MAST4: variants seen among roughly 807,000 people sequenced by gnomAD.
The protein encoded by MAST4 is microtubule-associated serine/threonine-protein kinase 4.
In MAST4, 89 loss-of-function variants were observed where a neutral mutation model predicts 162.7. The ratio of observed to expected loss-of-function variants is 0.55; its 90% CI spans 0.46 to 0.65. MAST4 has a LOEUF of 0.65. Among genes scored for constraint, MAST4 ranks in the 30% least tolerant of loss-of-function variants. MAST4 has a pLI of 0.00. For synonymous variants in MAST4, 1,479 were observed against 1,361.1 expected, an observed-to-expected ratio of 1.09 and a Z score of -1.91; for missense variants, 3,153 against 3,374.0, an observed-to-expected ratio of 0.93 and a Z score of 1.62.
chr5:66,809,759 C>T (rs1580505805), intron 3 of MAST4, among the ~76,000 whole-genome samples: 1 of 152,116 alleles, frequency 6.6e-6, no homozygotes, highest in Non-Finnish European at 1.5e-5. Context: ...TTTTCTGAGA[C>T]AGAGTCTTGC....
chr5:66,825,315 G>C (rs908165614), intron 3 of MAST4, among the ~76,000 whole-genome samples: 19 of 84,924 alleles, frequency 2.2e-4, no homozygotes, highest in Non-Finnish European at 3.3e-4. Context: ...CACACACACA[G>C]GCCTAGTCCT....
chr5:67,111,596 G>A (rs1766254894), intron 11 of MAST4, among the ~76,000 whole-genome samples: 1 of 152,242 alleles, frequency 6.6e-6, no homozygotes, highest in Non-Finnish European at 1.5e-5. Context: ...CAGGTAGAAT[G>A]GTTAGTTAAC....
chr5:66,871,663 C>T (rs962294438), intron 3 of MAST4, among the ~76,000 whole-genome samples: 1 of 152,182 alleles, frequency 6.6e-6, no homozygotes, highest in Non-Finnish European at 1.5e-5. Context: ...CAATGAAGTT[C>T]CAGCTTTCTG....
chr5:66,628,584 A>AT lies in MAST4; in HGVS notation c.363+31574dup, dbSNP rs201613284. 9.1e-3 allele frequency among the ~76,000 whole-genome samples: 1,372 copies of AT among 151,378 alleles called. 6 individuals are homozygous for AT. Among genetic ancestry groups the AT allele is most frequent in the Middle Eastern group, 0.014 (4 of 290 alleles). On this transcript the variant is annotated intron_variant, in intron 1 of 28. Coordinates refer to ENST00000403625, the MANE Select transcript of MAST4 (RefSeq NM_001164664.2). ...TTGGAGCAAAGGAAAAATTATTATT[A>AT]TTTTTTTTACCTTCAATCAACTTGC...
At chr5:66,860,994 CTAT>C (rs929141309) in intron 3 of MAST4, among the ~76,000 whole-genome samples, 1 of 152,150 alleles carries the variant, frequency 6.6e-6, no homozygotes, top group Admixed American at 6.5e-5. Flanking sequence ...GGAAGGCCAG[CTAT>C]GGGGCCATCT....
chr5:66,933,938 A>G (rs1054239224), intron 4 of MAST4, among the ~76,000 whole-genome samples: 1 of 152,066 alleles, frequency 6.6e-6, no homozygotes, highest in Non-Finnish European at 1.5e-5. Flanking sequence ...GTGATCCTCC[A>G]ACCTCAGCCT....
chr5:67,166,018 C>A lies in MAST4; in HGVS notation c.6839C>A (p.Ala2280Asp). ...GPSVPLHTDRAPLDAKPQPTS... is the reference protein window; with the variant it reads ...GPSVPLHTDRDPLDAKPQPTS... ...TCTGTCCCACTGCACACTGACAGGG[C>A]TCCTCTAGACGCCAAGCCACAACCC... is the stretch of plus-strand genomic sequence containing the variant. The change falls in exon 29 of 29, where the codon GCT becomes GAT. Residue 2280 changes from alanine to aspartate, a missense_variant. This residue lies in a region of MAST4 where 1,644 missense variants were observed against 1,495.0 expected (regional missense o/e 1.10). Transcript: ENST00000403625. The A allele has an allele frequency of 6.2e-7, 1 of 1,613,674 alleles. No homozygotes were observed. Among genetic ancestry groups the A allele is most frequent in the Non-Finnish European group, 8.5e-7 (1 of 1,179,870 alleles).
intron 15 of MAST4, among the ~76,000 whole-genome samples, chr5:67,131,319 G>A (rs1025808039): frequency 3.3e-5 from 5 of 152,054 alleles, no homozygotes; most frequent in African/African-American, 4.8e-5. Flanking sequence ...TATGTGTTGG[G>A]CAGTATCCTA....
At chr5:66,640,599 G>C (rs774655911) in intron 1 of MAST4, among the ~76,000 whole-genome samples, 2 of 152,096 alleles carry the variant, frequency 1.3e-5, no homozygotes, top group Non-Finnish European at 2.9e-5. Context: ...GAGCCACCGC[G>C]CCCAGCCCAC....
chr5:66,848,725 C>T (rs1404043248), intron 3 of MAST4, among the ~76,000 whole-genome samples: 4 of 152,064 alleles, frequency 2.6e-5, no homozygotes, highest in Admixed American at 2.0e-4. Flanking sequence ...TATTTCTTTT[C>T]CTTCTTTTCT....
chr5:66,680,457 C>T (rs1353665913), intron 1 of MAST4, among the ~76,000 whole-genome samples: 1 of 152,146 alleles, frequency 6.6e-6, no homozygotes, highest in East Asian at 1.9e-4. Flanking sequence ...AGTGCCCCTC[C>T]TCCCTTAGTA....
chr5:66,864,098 G>A (rs980078839), intron 3 of MAST4, among the ~76,000 whole-genome samples: 2 of 152,140 alleles, frequency 1.3e-5, no homozygotes, highest in Non-Finnish European at 2.9e-5. Context: ...CCTACTAAGT[G>A]CCAGGTAGAA....
At chr5:66,769,318 T>C (rs1431487684) in intron 2 of MAST4, among the ~76,000 whole-genome samples, 1 of 151,820 alleles carries the variant, frequency 6.6e-6, no homozygotes, top group Non-Finnish European at 1.5e-5. Flanking sequence ...CCAAAGCCAG[T>C]GGGAATTTGG....
intron 4 of MAST4, among the ~76,000 whole-genome samples, chr5:66,997,622 G>A (rs1292902145): frequency 2.0e-5 from 3 of 151,632 alleles, no homozygotes; most frequent in South Asian, 2.1e-4. Context: ...TAGTAGAGAC[G>A]GGGTTTCGCC....
chr5:67,136,616 C>G lies in MAST4; in HGVS notation c.2446C>G (p.Leu816Val), dbSNP rs1206118811. The G allele has an allele frequency of 1.9e-6, 3 of 1,607,224 alleles. No homozygotes were observed. In the South Asian group the frequency reaches 3.4e-5, roughly 18 times the overall value. Residue 816 changes from leucine to valine, a missense_variant, in exon 19 of 29, where the codon CTG becomes GTG. This residue lies in a region of MAST4 where 62 missense variants were observed against 63.1 expected (regional missense o/e 0.98). Transcript: ENST00000403625. ...DEAPPPDAQD[L>V]ITLLLRQNPL... ...GGCACCCCCACCTGATGCCCAGGATCTGATTACCTTACTCCTCAGGCAGAA... is the reference window on the plus strand; with the variant it reads ...GGCACCCCCACCTGATGCCCAGGATGTGATTACCTTACTCCTCAGGCAGAA...
intron 4 of MAST4, among the ~76,000 whole-genome samples, chr5:66,994,687 C>T (rs1172348971): frequency 5.3e-5 from 8 of 152,232 alleles, no homozygotes; most frequent in Non-Finnish European, 1.2e-4. Context: ...TCAGTACTCT[C>T]AGTCTAACTA....
At chr5:66,726,165 A>C (rs1034233720) in intron 1 of MAST4, among the ~76,000 whole-genome samples, 1 of 152,102 alleles carries the variant, frequency 6.6e-6, no homozygotes, top group Non-Finnish European at 1.5e-5. Flanking sequence ...TAAGGTGGTC[A>C]GGGAAGGGAG....
chr5:67,102,814 G>A (rs558285898), intron 9 of MAST4, among the ~76,000 whole-genome samples: 4 of 152,168 alleles, frequency 2.6e-5, no homozygotes, highest in Non-Finnish European at 5.9e-5. Context: ...TGTGCTCTAC[G>A]TGTGCTGAGC....
chr5:66,805,364 A>G (rs919874761), intron 3 of MAST4, among the ~76,000 whole-genome samples: 2 of 152,080 alleles, frequency 1.3e-5, no homozygotes, highest in Non-Finnish European at 2.9e-5. Context: ...AATTCTTCTC[A>G]TTTCATGGTA....
Sources: allele counts gnomAD v4.1 joint callset (sites outside exome capture counted in the v4.1 genomes callset), GRCh38; gene constraint gnomAD v4.1.1; regional missense constraint gnomAD v4.1.1; transcripts MANE v1.5; gene names NCBI Gene and HGNC (gene_info 2026-07-23, HGNC 2026-07-21).